Variants in UGT2A1 observed in about 807,000 individuals in gnomAD.
UGT2A1 encodes UDP-glucuronosyltransferase 2A1.
Under a neutral mutation model 45.4 loss-of-function variants are expected in UGT2A1, and 61 were observed. That is an observed-to-expected ratio of 1.34 (90% CI 1.09 to 1.66). The LOEUF is 1.66. Among genes scored for constraint, UGT2A1 ranks in the 40% most tolerant of loss-of-function variants. The probability of loss-of-function intolerance (pLI) is 0.00; values close to 1 mark genes in which losing one functional copy is unlikely to be tolerated. For synonymous variants in UGT2A1, 229 were observed against 196.2 expected (o/e 1.17, Z -1.40); for missense variants, 649 against 574.3 (o/e 1.13, Z -1.33).
chr4:69,637,821 T>C (rs186774672), intron 2 of UGT2A1, among the ~76,000 whole-genome samples: 22 of 152,064 alleles, frequency 1.4e-4, no homozygotes, highest in Admixed American at 6.6e-4. Flanking sequence ...AGGAACTAGG[T>C]TGGCATTCAA....
At chr4:69,613,120 C>T (rs1021410305) in intron 3 of UGT2A1, among the ~76,000 whole-genome samples, 3 of 151,594 alleles carry the variant, frequency 2.0e-5, no homozygotes, top group Non-Finnish European at 2.9e-5. Context: ...AACCTGCATA[C>T]GAAAAAATGT....
At position 69,646,950 on chromosome 4, in the gene UGT2A1, G is replaced by T; in HGVS notation, c.695C>A (p.Ser232Ter). The T allele has an allele frequency of 1.3e-6, 2 of 1,594,506 alleles. No individual in the cohort carries two copies. The highest frequency in any genetic ancestry group is 1.1e-5 in the South Asian group (1 of 87,110). Residue 232 changes from serine (S) to a stop codon, truncating the protein, a stop_gained, in exon 2 of 7, where the codon TCA becomes TAA. Transcript: ENST00000286604. LOFTEE classifies it high-confidence loss of function. ...MFETLWKSWDSYYSKALGGLL... is the reference protein window; with the variant it reads ...MFETLWKSWD Reference sequence around the variant, plus strand: ...CATACCTAAAGCTTTACTATAGTATGAATCCCATGATTTCCAAAGAGTTTC... The same window carrying T: ...CATACCTAAAGCTTTACTATAGTATTAATCCCATGATTTCCAAAGAGTTTC...
chr4:69,637,759 G>T (rs1721793096), intron 2 of UGT2A1, among the ~76,000 whole-genome samples: 1 of 152,162 alleles, frequency 6.6e-6, no homozygotes, highest in South Asian at 2.1e-4. Flanking sequence ...ATGAGATAGA[G>T]AATTTGATCT....
chr4:69,630,037 T>G (rs1721298395), intron 3 of UGT2A1, among the ~76,000 whole-genome samples: 1 of 152,098 alleles, frequency 6.6e-6, no homozygotes, highest in South Asian at 2.1e-4. Flanking sequence ...TTACTGGAAT[T>G]TATTTCTCAT....
chr4:69,630,582 C>G (rs1721327701), intron 3 of UGT2A1, among the ~76,000 whole-genome samples: 3 of 152,018 alleles, frequency 2.0e-5, no homozygotes, highest in Admixed American at 6.6e-5. Context: ...AGAAAAGGGT[C>G]ATAAACAGGG....
chr4:69,603,719 TA>T (rs1719435445), intron 3 of UGT2A1: 1 of 135,892 alleles, frequency 7.4e-6, no homozygotes, highest in African/African-American at 3.0e-5. Context: ...GAAAAGCCCT[TA>T]AAGGACCTGA....
intron 3 of UGT2A1, among the ~76,000 whole-genome samples, chr4:69,629,183 G>A (rs6854350): frequency 0.31 from 46,633 of 151,650 alleles, 7,458 homozygotes; most frequent in African/African-American, 0.36. Flanking sequence ...TACTACAAAT[G>A]ATGGGAATAT....
chr4:69,652,599 T>G (rs936465664), intron 1 of UGT2A1, among the ~76,000 whole-genome samples: 26 of 152,102 alleles, frequency 1.7e-4, no homozygotes, highest in African/African-American at 6.3e-4. Flanking sequence ...TAAATAAAAT[T>G]GATTTTGCAT....
chr4:69,595,661 G>T (rs956269362), intron 4 of UGT2A1, among the ~76,000 whole-genome samples: 1 of 152,094 alleles, frequency 6.6e-6, no homozygotes, highest in East Asian at 1.9e-4. Flanking sequence ...ATGCAAAATT[G>T]TAGAGATAAA....
chr4:69,598,089 T>A (rs1376742260), intron 4 of UGT2A1, among the ~76,000 whole-genome samples: 1 of 152,150 alleles, frequency 6.6e-6, no homozygotes, highest in East Asian at 1.9e-4. Flanking sequence ...CATGAATATT[T>A]CTGTGTCTTT....
Position 69,589,139 on chromosome 4 carries a change from A to G in UGT2A1, c.*233T>C, listed in dbSNP as rs1718430757. On this transcript the variant is annotated 3_prime_UTR_variant, in exon 7 of 7. Coordinates refer to ENST00000286604, the MANE Select transcript of UGT2A1 (RefSeq NM_001252275.3). ...CAGAAAAGTGACAGGAAGAGGGTAT[A>G]GTCAGCAGGGAGAGACAAAGGAAAA... The G allele has an allele frequency of 5.0e-6, 2 of 397,106 alleles. No homozygotes were observed. Among genetic ancestry groups the G allele is most frequent in the Non-Finnish European group, 8.5e-6 (2 of 234,860 alleles). The allele number at this position is 397,106 out of a possible 1,614,324, so 24.6% of individuals were successfully genotyped here.
intron 5 of UGT2A1, 105 bp downstream of exon 5, chr4:69,595,053 CAAAT>C (rs1201162077): frequency 2.1e-6 from 3 of 1,416,866 alleles, no homozygotes; most frequent in South Asian, 1.2e-5. Flanking sequence ...AATTGAGTGT[CAAAT>C]AACATTTTAA....
intron 3 of UGT2A1, among the ~76,000 whole-genome samples, chr4:69,620,225 T>C (rs555590843): frequency 7.9e-5 from 12 of 152,028 alleles, no homozygotes; most frequent in Non-Finnish European, 1.6e-4. Context: ...ATTCTATATG[T>C]AGAAAACCCC....
intron 3 of UGT2A1, among the ~76,000 whole-genome samples, chr4:69,634,715 T>A (rs996860646): frequency 6.6e-6 from 1 of 152,150 alleles, no homozygotes; most frequent in Non-Finnish European, 1.5e-5. Flanking sequence ...AAATTCATCA[T>A]CCTTTTATGA....
intron 6 of UGT2A1, among the ~76,000 whole-genome samples, chr4:69,594,191 G>A (rs1395989543): frequency 6.6e-6 from 1 of 151,880 alleles, no homozygotes; most frequent in Non-Finnish European, 1.5e-5. Flanking sequence ...AGCCAGGATG[G>A]TCTCGATCTC....
chr4:69,608,069 C>T (rs566599434), intron 3 of UGT2A1, among the ~76,000 whole-genome samples: 3 of 152,040 alleles, frequency 2.0e-5, no homozygotes, highest in East Asian at 1.9e-4. Context: ...CCCATTACTG[C>T]GTATATACCC....
At chr4:69,642,256 C>G (rs1722079338) in intron 2 of UGT2A1, among the ~76,000 whole-genome samples, 1 of 151,768 alleles carries the variant, frequency 6.6e-6, no homozygotes, top group Admixed American at 6.6e-5. Flanking sequence ...TTTCCAATGT[C>G]CCAATGTCAA....
At chr4:69,644,590 A>G (rs1156293200) in intron 2 of UGT2A1, among the ~76,000 whole-genome samples, 1 of 151,718 alleles carries the variant, frequency 6.6e-6, no homozygotes, top group Non-Finnish European at 1.5e-5. Flanking sequence ...AGTTTCAACC[A>G]TAAGATGTTT....
intron 3 of UGT2A1, among the ~76,000 whole-genome samples, chr4:69,618,345 G>A (rs1303717455): frequency 2.9e-5 from 4 of 137,250 alleles, no homozygotes; most frequent in African/African-American, 1.1e-4. Flanking sequence ...GTAACCCCAG[G>A]AACTCATACT....
Sources: allele counts gnomAD v4.1 joint callset (sites outside exome capture counted in the v4.1 genomes callset), GRCh38; gene constraint gnomAD v4.1.1; transcripts MANE v1.5; gene names NCBI Gene and HGNC (gene_info 2026-07-23, HGNC 2026-07-21).